The following ITFG1 variants were observed in gnomAD, a reference collection of about 807,000 sequenced individuals.
The protein encoded by ITFG1 is T-cell immunomodulatory protein.
ITFG1 carries 34 observed loss-of-function variants against 81.8 expected under a neutral mutation model. That is an observed-to-expected ratio of 0.42 (90% CI 0.32 to 0.55). ITFG1 has a LOEUF of 0.55. Among genes scored for constraint, ITFG1 ranks in the 20% least tolerant of loss-of-function variants. ITFG1 has a pLI of 0.17. For missense variants in ITFG1, 672 were observed against 755.4 expected (o/e 0.89, Z 1.29); for synonymous variants, 285 against 270.6 (o/e 1.05, Z -0.52).
chr16:47,363,046 G>GCCA (rs762649833), intron 8 of ITFG1, among the ~76,000 whole-genome samples: 1 of 152,028 alleles, frequency 6.6e-6, no homozygotes, highest in Non-Finnish European at 1.5e-5. Context: ...ACAGGCTTGT[G>GCCA]CCACCACGTC....
At chr16:47,280,695 C>T (rs945252876) in intron 10 of ITFG1, among the ~76,000 whole-genome samples, 1 of 152,094 alleles carries the variant, frequency 6.6e-6, no homozygotes, top group African/African-American at 2.4e-5. Flanking sequence ...CAGGATGAGG[C>T]CTTTCACCAG....
chr16:47,245,047 T>C (rs539672555), intron 12 of ITFG1, among the ~76,000 whole-genome samples: 1 of 152,130 alleles, frequency 6.6e-6, no homozygotes, highest in Non-Finnish European at 1.5e-5. Context: ...ACATACTTCC[T>C]TTTAAAAAAC....
intron 14 of ITFG1, among the ~76,000 whole-genome samples, chr16:47,208,131 TTATAAA>T (rs1005955173): frequency 6.6e-5 from 10 of 152,200 alleles, no homozygotes; most frequent in African/African-American, 2.4e-4. Context: ...TTAAAATAAT[TTATAAA>T]TATGAGGTCA....
intron 5 of ITFG1, among the ~76,000 whole-genome samples, chr16:47,432,241 A>G (rs934897736): frequency 6.6e-6 from 1 of 152,232 alleles, no homozygotes; most frequent in Non-Finnish European, 1.5e-5. Flanking sequence ...TTCCAGTCCA[A>G]TATGAAACCA....
At chr16:47,369,940 G>A (rs1459540049) in intron 7 of ITFG1, among the ~76,000 whole-genome samples, 1 of 140,576 alleles carries the variant, frequency 7.1e-6, no homozygotes, top group Non-Finnish European at 1.5e-5. Context: ...CCGGGTTCAC[G>A]CCATTCTCCT....
chr16:47,365,040 T>G (rs551668809), intron 8 of ITFG1, among the ~76,000 whole-genome samples: 3 of 152,358 alleles, frequency 2.0e-5, no homozygotes, highest in Admixed American at 2.0e-4. Flanking sequence ...TACATTGTGC[T>G]ATTCATAATA....
Position 47,370,075 on chromosome 16 carries a change from C to T in ITFG1, c.721-4206G>A, listed in dbSNP as rs186068591. 8.2e-3 allele frequency among the ~76,000 whole-genome samples: 1,252 copies of T among 152,102 alleles called. 12 individuals are homozygous for T. Among genetic ancestry groups the T allele is most frequent in the Non-Finnish European group, 0.01 (707 of 67,970 alleles). On this transcript the variant is annotated intron_variant, in intron 7 of 17. Transcript: ENST00000320640. Reference sequence around the variant, plus strand: ...CAGGATGGTCTTAATCTCCTGACCTCGTGATCCACCCACCTTGGCCTTCCA... The same window carrying T: ...CAGGATGGTCTTAATCTCCTGACCTTGTGATCCACCCACCTTGGCCTTCCA...
At chr16:47,256,192 T>G (rs1966137807) in intron 12 of ITFG1, among the ~76,000 whole-genome samples, 1 of 152,162 alleles carries the variant, frequency 6.6e-6, no homozygotes, top group Non-Finnish European at 1.5e-5. Flanking sequence ...CTTCAACTCC[T>G]GACTTCAAGT....
chr16:47,163,106 A>T (rs1964835020), intron 14 of ITFG1, among the ~76,000 whole-genome samples: 1 of 152,152 alleles, frequency 6.6e-6, no homozygotes, highest in Non-Finnish European at 1.5e-5. Flanking sequence ...TCAGCCAATG[A>T]TTCACTTTTT....
intron 6 of ITFG1, among the ~76,000 whole-genome samples, chr16:47,388,296 T>TA (rs1482975897): frequency 6.6e-6 from 1 of 152,108 alleles, no homozygotes; most frequent in Non-Finnish European, 1.5e-5. Flanking sequence ...AAATAATGGC[T>TA]AAAACCTTCC....
At chr16:47,308,084 T>G (rs914683415) in intron 10 of ITFG1, among the ~76,000 whole-genome samples, 2 of 152,242 alleles carry the variant, frequency 1.3e-5, no homozygotes, top group Non-Finnish European at 2.9e-5. Flanking sequence ...TCTCTGCTAT[T>G]GTGAATAGTG....
intron 8 of ITFG1, among the ~76,000 whole-genome samples, chr16:47,340,767 T>A (rs1336257060): frequency 6.6e-6 from 1 of 152,168 alleles, no homozygotes; most frequent in Non-Finnish European, 1.5e-5. Context: ...CTATATGTTG[T>A]CTATAAGAGA....
chr16:47,451,604 A>G, intron 4 of ITFG1, 134 bp from the exon 5 acceptor site: 1 of 573,952 alleles, frequency 1.7e-6, no homozygotes, highest in Non-Finnish European at 3.1e-6. Context: ...ATAAGTATTA[A>G]GTCAAATGTC....
rs1969488430 is a variant in ITFG1 at position 47,459,120 on chromosome 16, T to G, written c.264A>C (p.Lys88Asn). 1 of 1,592,954 alleles carries G rather than the reference T, an allele frequency of 6.3e-7. No homozygotes were observed. Among genetic ancestry groups the G allele is most frequent in the Admixed American group, 1.7e-5 (1 of 59,982 alleles). The change falls in exon 2 of 18, where the codon AAA becomes AAC. Residue 88 changes from lysine (K) to asparagine (N), a missense_variant. Lys to Asn is a moderately conservative substitution (Grantham distance 94). Transcript: ENST00000320640. ...GTACTTACTTGAAAGATACCTTTAC[T>G]TTGGGTTTAAAATAGGGTGCATTCT... is the stretch of plus-strand genomic sequence containing the variant. The part of the protein sequence containing the change: ...ADQNAPYFKP[K>N]VKVSFKNHSA...
intron 2 of ITFG1, among the ~76,000 whole-genome samples, chr16:47,457,010 A>C (rs928820763): frequency 2.6e-5 from 4 of 152,160 alleles, no homozygotes; most frequent in African/African-American, 9.7e-5. Context: ...TTTAAAAAGC[A>C]ATCATTTATT....
chr16:47,324,566 A>G lies in ITFG1; in HGVS notation c.803-10743T>C, dbSNP rs753144652. On this transcript the variant is annotated intron_variant, in intron 8 of 17. Transcript: ENST00000320640. ...CAAATTGGATAAAGAGTCAAGACCC[A>G]TCAGTGGGCTGTATTCAGGAAACTC... 6.4e-4 allele frequency among the ~76,000 whole-genome samples: 98 copies of G among 152,352 alleles called. 1 individual carries two copies. The highest frequency in any genetic ancestry group is 1.4e-3 in the Admixed American group (21 of 15,304).
intron 13 of ITFG1, among the ~76,000 whole-genome samples, chr16:47,219,834 A>G (rs930473444): frequency 6.6e-6 from 1 of 152,218 alleles, no homozygotes; most frequent in Non-Finnish European, 1.5e-5. Context: ...TATGCTTCCA[A>G]TGGCTATGAG....
At chr16:47,336,974 A>G (rs1212340769) in intron 8 of ITFG1, among the ~76,000 whole-genome samples, 4 of 150,800 alleles carry the variant, frequency 2.7e-5, no homozygotes, top group African/African-American at 9.7e-5. Flanking sequence ...AAAAAAGAAA[A>G]AAAAAAAAAA....
intron 14 of ITFG1, among the ~76,000 whole-genome samples, chr16:47,202,653 A>G (rs186449129): frequency 6.6e-6 from 1 of 152,280 alleles, no homozygotes; most frequent in East Asian, 1.9e-4. Context: ...CAGAAATCTG[A>G]AAACATCTAG....
Sources: allele counts gnomAD v4.1 joint callset (sites outside exome capture counted in the v4.1 genomes callset), GRCh38; gene constraint gnomAD v4.1.1; transcripts MANE v1.5; gene names NCBI Gene and HGNC (gene_info 2026-07-23, HGNC 2026-07-21).